Variants in WASF2 observed in about 807,000 individuals in gnomAD.
WASF2 encodes the protein actin-binding protein WASF2.
Under a neutral mutation model 45.0 loss-of-function variants are expected in WASF2, and 14 were observed. That is an observed-to-expected ratio of 0.31 (90% confidence interval 0.21 to 0.49). The LOEUF (loss-of-function observed/expected upper bound fraction) is 0.49. WASF2 is among the 20% of genes least tolerant of loss of function. WASF2 has a pLI of 0.99. For missense variants in WASF2, 439 were observed against 636.1 expected (o/e 0.69, Z 3.33); for synonymous variants, 200 against 236.3 (o/e 0.85, Z 1.41).
At chr1:27,456,425 G>A (rs2148128354) in intron 1 of WASF2, among the ~76,000 whole-genome samples, 1 of 151,774 alleles carries the variant, frequency 6.6e-6, no homozygotes, top group South Asian at 2.1e-4. Context: ...AGGAGTAGGA[G>A]CTAATGAAAA....
At chr1:27,416,128 C>G in intron 4 of WASF2, 26 bp from the exon 5 acceptor site, 1 of 1,597,908 alleles carries the variant, frequency 6.3e-7, no homozygotes, top group Non-Finnish European at 8.6e-7. Flanking sequence ...AGACAAGTAG[C>G]TGTCAGTAGA....
At chr1:27,459,955 G>A (rs757087279) in intron 1 of WASF2, among the ~76,000 whole-genome samples, 5 of 152,192 alleles carry the variant, frequency 3.3e-5, no homozygotes, top group Non-Finnish European at 7.3e-5. Flanking sequence ...CTAATTGGAC[G>A]CAGCTTCAGA....
intron 1 of WASF2, among the ~76,000 whole-genome samples, chr1:27,486,847 C>G (rs2017934386): frequency 6.6e-6 from 1 of 151,606 alleles, no homozygotes; most frequent in African/African-American, 2.4e-5. Context: ...TCGCCCGAAC[C>G]TGGGAGGCGG....
chr1:27,418,884 T>A, intron 3 of WASF2, 70 bp downstream of exon 3: 10 of 1,510,878 alleles, frequency 6.6e-6, no homozygotes, highest in East Asian at 2.3e-5. Context: ...TTTTTTTAAA[T>A]AAATCAGGGA....
intron 1 of WASF2, among the ~76,000 whole-genome samples, chr1:27,440,536 C>T (rs1240819468): frequency 4.7e-5 from 7 of 148,536 alleles, no homozygotes; most frequent in African/African-American, 1.2e-4. Flanking sequence ...AAAAAAAAAG[C>T]GATGTTAAAA....
rs141487494 is a variant in WASF2, at chr1:27,454,942, T to C, written c.-43-26009A>G. Among the ~76,000 whole-genome samples, 1,172 of 152,210 alleles carry C rather than the reference T, an allele frequency of 7.7e-3. 11 individuals carry two copies. Among genetic ancestry groups the C allele is most frequent in the Admixed American group, 0.014 (212 of 15,238 alleles). On this transcript the variant is annotated intron_variant, in intron 1 of 8. Coordinates refer to ENST00000618852, the MANE Select transcript of WASF2 (RefSeq NM_006990.5). ...GTGTTGCTATGGATGTTTTTGTACA[T>C]GTCTCCTGGTCCACATATGTAAAGT...
chr1:27,430,048 A>T (rs538428506), intron 1 of WASF2, among the ~76,000 whole-genome samples: 1 of 152,166 alleles, frequency 6.6e-6, no homozygotes, highest in Non-Finnish European at 1.5e-5. Flanking sequence ...CCTTCCAGTT[A>T]CTGTTTCTTA....
At position 27,447,338 on chromosome 1, in the gene WASF2, TA is replaced by T. The variant is rs2017324131; in HGVS notation, c.-43-18406del. Among the ~76,000 whole-genome samples, 2 of 152,182 alleles carry T rather than the reference TA, an allele frequency of 1.3e-5. 1 individual carries two copies. Among genetic ancestry groups the T allele is most frequent in the South Asian group, 4.1e-4 (2 of 4,832 alleles). On this transcript the variant is annotated intron_variant, in intron 1 of 8. Coordinates refer to ENST00000618852, the MANE Select transcript of WASF2 (RefSeq NM_006990.5). ...CAGTTCTATTTAAAGTACTAAGACA[TA>T]TCATGTGTTTTCAGCAACTCTCAAG...
At chr1:27,461,923 A>G (rs1199500237) in intron 1 of WASF2, among the ~76,000 whole-genome samples, 2 of 151,954 alleles carry the variant, frequency 1.3e-5, no homozygotes, top group Non-Finnish European at 2.9e-5. Context: ...TGGCCTCCCA[A>G]AGTGTGGAGA....
intron 1 of WASF2, among the ~76,000 whole-genome samples, chr1:27,450,760 A>G (rs1262582991): frequency 6.6e-6 from 1 of 151,616 alleles, no homozygotes; most frequent in Non-Finnish European, 1.5e-5. Flanking sequence ...TGGCCTCCCA[A>G]AGTGCTGGGA....
At chr1:27,409,221 A>G (rs993192801) in intron 8 of WASF2, among the ~76,000 whole-genome samples, 41 of 151,954 alleles carry the variant, frequency 2.7e-4, no homozygotes, top group South Asian at 1.5e-3. Context: ...TCAGGAGATC[A>G]AGACCATCCT....
intron 7 of WASF2, 113 bp downstream of exon 7, chr1:27,412,459 C>T (rs2016773448): frequency 2.1e-6 from 3 of 1,432,862 alleles, no homozygotes; most frequent in South Asian, 1.3e-5. Context: ...CCTCCCACCA[C>T]CTTGGCCTCC....
intron 1 of WASF2, among the ~76,000 whole-genome samples, chr1:27,465,776 C>G (rs538553483): frequency 2.3e-4 from 35 of 152,298 alleles, no homozygotes; most frequent in African/African-American, 7.9e-4. Flanking sequence ...AATGAGGGAG[C>G]TAATAATGTG....
chr1:27,433,745 G>T (rs12023037), intron 1 of WASF2, among the ~76,000 whole-genome samples: 7,615 of 152,232 alleles, frequency 0.05, 720 homozygotes, highest in East Asian at 0.37. Flanking sequence ...CCCACCGGCT[G>T]CTCTCTTTAG....
At chr1:27,482,780 G>C (rs1166933586) in intron 1 of WASF2, among the ~76,000 whole-genome samples, 1 of 152,102 alleles carries the variant, frequency 6.6e-6, no homozygotes, top group African/African-American at 2.4e-5. Flanking sequence ...CCAGAAAGAA[G>C]GAGAAAAAGG....
intron 1 of WASF2, among the ~76,000 whole-genome samples, chr1:27,460,436 T>C (rs1432187787): frequency 6.6e-6 from 1 of 152,224 alleles, no homozygotes; most frequent in African/African-American, 2.4e-5. Context: ...TAAGAATCCA[T>C]GGTAAACAAG....
In WASF2 at chr1:27,414,962, T is replaced by C. The variant is rs751661422; in HGVS notation, c.539A>G (p.Lys180Arg). ...TCGATTTGGATTATCTTTCTTTTCT[T>C]TCTATAATGAAAAGGAACAGGAAGG... ...DIMKEKRKHR[K>R]EKKDNPNRGN... The change falls in exon 6 of 9, where the codon AAA becomes AGA. Residue 180 changes from lysine (K) to arginine (R), a missense_variant and splice_region_variant. Physicochemically the swap from Lys to Arg is conservative, Grantham distance 26. Around this residue, in one of 5 missense-constraint regions of WASF2, gnomAD observed 23 missense variants for 69.7 expected, o/e 0.33. Transcript: ENST00000618852. This position sits in a 1 kb window ranked among gnomAD's most constrained non-coding sequence, Gnocchi z 4.1. 17 of 1,613,944 alleles carry C rather than the reference T, an allele frequency of 1.1e-5. No homozygotes were observed. In the Admixed American group the frequency reaches 2.8e-4, roughly 27 times the overall value.
chr1:27,435,152 G>A (rs2017118599), intron 1 of WASF2, among the ~76,000 whole-genome samples: 1 of 152,042 alleles, frequency 6.6e-6, no homozygotes, highest in African/African-American at 2.4e-5. Flanking sequence ...TCTCCATGTT[G>A]GTCAGGCTGG....
At chr1:27,476,841 A>G (rs2017772833) in intron 1 of WASF2, among the ~76,000 whole-genome samples, 1 of 152,238 alleles carries the variant, frequency 6.6e-6, no homozygotes, top group African/African-American at 2.4e-5. Flanking sequence ...ACATAGAAGT[A>G]CAATGGTGCA....
Sources: gnomAD v4.1 joint callset for allele counts (sites outside exome capture counted in the v4.1 genomes callset) on GRCh38, gnomAD v4.1.1 for gene constraint, gnomAD v4.1.1 regional missense constraint, Gnocchi (gnomAD v3.1) non-coding constraint, MANE v1.5 for transcripts, NCBI Gene and HGNC (gene_info 2026-07-23, HGNC 2026-07-21) for gene names.